DTHD1: variants seen among roughly 807,000 people sequenced by gnomAD.
DTHD1 encodes death domain-containing protein 1.
A neutral mutation model predicts 74.8 loss-of-function variants in DTHD1; 59 were observed. That is an observed-to-expected ratio of 0.79 (90% confidence interval 0.64 to 0.98). The LOEUF (loss-of-function observed/expected upper bound fraction) is 0.98. Ranked by LOEUF, DTHD1 falls within the 50% of genes least tolerant of loss-of-function variation. The pLI, the probability that DTHD1 is intolerant of heterozygous loss-of-function variation, is 0.00. For synonymous variants in DTHD1, 365 were observed against 371.1 expected (o/e 0.98, Z 0.19); for missense variants, 1,051 against 1,065.4 (o/e 0.99, Z 0.19).
At position 36,308,376 on chromosome 4, in the gene DTHD1, G is replaced by A; in HGVS notation, c.1978G>A (p.Val660Met). 1 of 1,551,804 alleles carries A rather than the reference G, an allele frequency of 6.4e-7. No individual in the cohort carries two copies. Among genetic ancestry groups the A allele is most frequent in the Non-Finnish European group, 8.7e-7 (1 of 1,147,004 alleles). ...GGTGCCTTCCAAAGATTTAAGCCAG[G>A]TGCTTAAGGACCTGCACTTGGAAGG... ...LVVPSKDLSQVLKDLHLEGFG... is the reference protein window; with the variant it reads ...LVVPSKDLSQMLKDLHLEGFG... Residue 660 changes from valine to methionine, a missense_variant, in exon 7 of 10, where the codon GTG becomes ATG. Physicochemically the swap from Val to Met is conservative, Grantham distance 21 (BLOSUM62 1). Coordinates refer to ENST00000639862, the MANE Select transcript of DTHD1 (RefSeq NM_001170700.3).
chr4:36,328,430 G>A (rs182484326), intron 8 of DTHD1, among the ~76,000 whole-genome samples: 136 of 152,206 alleles, frequency 8.9e-4, no homozygotes, highest in Middle Eastern at 3.4e-3. Context: ...GTGGATGCTG[G>A]TACTACGATC....
In DTHD1 at chr4:36,316,231, C is replaced by T; in HGVS notation, c.2096-11C>T. 6.5e-7 allele frequency: 1 copy of T among 1,547,520 alleles called. No homozygotes were observed. Among genetic ancestry groups the T allele is most frequent in the Non-Finnish European group, 8.7e-7 (1 of 1,145,904 alleles). ...ACTTAATGGTAATAAATACATTTTACTTCTATTTAGGCAACGGGAAGGATT... is the reference window on the plus strand; with the variant it reads ...ACTTAATGGTAATAAATACATTTTATTTCTATTTAGGCAACGGGAAGGATT... On this transcript the variant is annotated splice_polypyrimidine_tract_variant and intron_variant, in intron 7 of 9. Transcript: ENST00000639862.
chr4:36,287,332 T>C (rs1755771217), intron 2 of DTHD1, among the ~76,000 whole-genome samples: 1 of 152,258 alleles, frequency 6.6e-6, no homozygotes, highest in Non-Finnish European at 1.5e-5. Flanking sequence ...GGCTGAATAG[T>C]ATTCCAGGGC....
At chr4:36,339,650 G>A (rs568773665) in intron 9 of DTHD1, among the ~76,000 whole-genome samples, 24 of 152,286 alleles carry the variant, frequency 1.6e-4, no homozygotes, top group South Asian at 2.1e-4. Context: ...AGATTTCAGG[G>A]TAGAATTGGA....
chr4:36,282,034 G>A lies in DTHD1; in HGVS notation c.271+5G>A. On this transcript the variant is annotated splice_donor_5th_base_variant and intron_variant, in intron 1 of 9. Transcript: ENST00000639862. Reference sequence around the variant, plus strand: ...ATCAATGTGTCTCGAGAAAAGGCAAGTATTCTTTTTTTTAGTTTATTCTTT... The same window carrying A: ...ATCAATGTGTCTCGAGAAAAGGCAAATATTCTTTTTTTTAGTTTATTCTTT... 1 of 1,520,872 alleles carries A rather than the reference G, an allele frequency of 6.6e-7. No homozygotes were observed. The highest frequency in any genetic ancestry group is 8.8e-7 in the Non-Finnish European group (1 of 1,130,928). 94.2% of individuals were successfully genotyped at this position (1,520,872 alleles called of 1,614,324 possible).
chr4:36,342,630 T>C (rs1290597900), intron 9 of DTHD1, among the ~76,000 whole-genome samples: 1 of 151,984 alleles, frequency 6.6e-6, no homozygotes, highest in African/African-American at 2.4e-5. Context: ...TTTTGGGTGG[T>C]AGATCATGTC....
chr4:36,292,228 C>T (rs1287998156), intron 3 of DTHD1, among the ~76,000 whole-genome samples: 2 of 151,904 alleles, frequency 1.3e-5, no homozygotes, highest in African/African-American at 4.8e-5. Context: ...GTAACTATCA[C>T]AATACAAGCA....
chr4:36,306,907 G>A (rs188354859), intron 6 of DTHD1, among the ~76,000 whole-genome samples: 52 of 152,342 alleles, frequency 3.4e-4, no homozygotes, highest in African/African-American at 1.2e-3. Flanking sequence ...TAGAGTCTGA[G>A]ATGAAAAGCA....
chr4:36,330,919 T>C (rs1222179434), intron 8 of DTHD1, among the ~76,000 whole-genome samples: 1 of 152,160 alleles, frequency 6.6e-6, no homozygotes, highest in Non-Finnish European at 1.5e-5. Flanking sequence ...TCATTAAGAA[T>C]TGTATGAGTC....
At chr4:36,288,175 T>C (rs1406307870) in intron 2 of DTHD1, among the ~76,000 whole-genome samples, 1 of 152,218 alleles carries the variant, frequency 6.6e-6, no homozygotes, top group Non-Finnish European at 1.5e-5. Flanking sequence ...CTCAGCTCAC[T>C]GCAACCTCCA....
rs73119363 is a variant in DTHD1, at chr4:36,310,959, T to C, written c.2095+2466T>C. 1.9e-3 allele frequency among the ~76,000 whole-genome samples: 286 copies of C among 152,272 alleles called. 1 individual carries two copies. Among genetic ancestry groups the C allele is most frequent in the African/African-American group, 6.4e-3 (266 of 41,552 alleles). On this transcript the variant is annotated intron_variant, in intron 7 of 9. Transcript: ENST00000639862. ...AGCGTCCACCCTGGAGAAATCTCTC[T>C]ACTGAGACATAGTACTAAGCAGAAG... is the stretch of plus-strand genomic sequence containing the variant.
chr4:36,284,381 A>C lies in DTHD1; in HGVS notation c.677A>C (p.His226Pro). 2 of 1,537,178 alleles carry C rather than the reference A, an allele frequency of 1.3e-6. No homozygotes were observed. The highest frequency in any genetic ancestry group is 1.7e-6 in the Non-Finnish European group (2 of 1,146,848). ...AENEDDKQIE[H>P]MTVENINGNR... ...AATGAAGATGATAAACAAATAGAAC[A>C]CATGACTGTTGAGAACATAAATGGC... The change falls in exon 2 of 10, where the codon CAC becomes CCC. Residue 226 changes from histidine to proline, a missense_variant. His to Pro is a moderately conservative substitution (Grantham distance 77, BLOSUM62 -2). Transcript: ENST00000639862.
At chr4:36,332,039 T>C (rs1436070936) in intron 8 of DTHD1, among the ~76,000 whole-genome samples, 2 of 152,034 alleles carry the variant, frequency 1.3e-5, no homozygotes, top group Non-Finnish European at 2.9e-5. Flanking sequence ...CTAAGCACTT[T>C]GGGAGGCCAA....
At chr4:36,336,709 C>T (rs947416737) in intron 8 of DTHD1, among the ~76,000 whole-genome samples, 1 of 151,498 alleles carries the variant, frequency 6.6e-6, no homozygotes, top group Non-Finnish European at 1.5e-5. Flanking sequence ...TCTAAGCAAG[C>T]ATGTAATTAG....
intron 8 of DTHD1, among the ~76,000 whole-genome samples, chr4:36,324,622 T>C (rs1758234397): frequency 6.6e-6 from 1 of 151,964 alleles, no homozygotes; most frequent in Non-Finnish European, 1.5e-5. Flanking sequence ...AACCACAAAA[T>C]CCCTAATATA....
chr4:36,334,676 C>G (rs969979421), intron 8 of DTHD1, among the ~76,000 whole-genome samples: 2 of 152,170 alleles, frequency 1.3e-5, no homozygotes, highest in Admixed American at 1.3e-4. Flanking sequence ...TTAATTTTCT[C>G]AGAAAATAGA....
chr4:36,326,155 CA>C, intron 8 of DTHD1, among the ~76,000 whole-genome samples: 2 of 152,116 alleles, frequency 1.3e-5, no homozygotes, highest in Middle Eastern at 6.8e-3. Context: ...ATTGTGACAG[CA>C]ATGACTCCAC....
intron 8 of DTHD1, among the ~76,000 whole-genome samples, chr4:36,333,051 T>C (rs1039260345): frequency 2.0e-5 from 3 of 152,152 alleles, no homozygotes; most frequent in African/African-American, 7.2e-5. Flanking sequence ...CAGAATTCTG[T>C]ATGCAGGGGA....
intron 7 of DTHD1, among the ~76,000 whole-genome samples, chr4:36,312,867 T>A (rs1757484596): frequency 6.6e-6 from 1 of 152,186 alleles, no homozygotes. Context: ...AGAGAAGTGA[T>A]CAGAGTTAGA....
Sources: allele counts gnomAD v4.1 joint callset (sites outside exome capture counted in the v4.1 genomes callset), GRCh38; gene constraint gnomAD v4.1.1; transcripts MANE v1.5; gene names NCBI Gene and HGNC (gene_info 2026-07-23, HGNC 2026-07-21).